Variants in SATL1 observed in about 807,000 individuals in gnomAD.
The protein encoded by SATL1 is spermidine/spermine N(1)-acetyltransferase-like protein 1.
Under a neutral mutation model 51.8 loss-of-function variants are expected in SATL1, and 47 were observed. The ratio of observed to expected loss-of-function variants is 0.91; its 90% confidence interval spans 0.72 to 1.16. The LOEUF is 1.16. SATL1 is among the 50% of genes most tolerant of loss of function. The pLI, the probability that SATL1 is intolerant of heterozygous loss-of-function variation, is 0.00. For synonymous variants in SATL1, 176 were observed against 182.4 expected, an observed-to-expected ratio of 0.97 and a Z score of 0.28; for missense variants, 520 against 526.4, an observed-to-expected ratio of 0.99 and a Z score of 0.12.
Position 85,107,323 on chromosome X carries a change from C to T in SATL1, c.1641+5G>A, listed in dbSNP as rs750948898. 7 of 1,201,890 alleles carry T rather than the reference C, an allele frequency of 5.8e-6. No individual in the cohort carries two copies. The South Asian group carries it at 1.2e-4, about 21-fold the overall frequency. ...TGAGGCTCCATGTAATAAAAATAGG[C>T]TTACTTTAATCAGTCGCAAAATTTC... On this transcript the variant is annotated splice_donor_5th_base_variant and intron_variant, in intron 3 of 7. Transcript: ENST00000644105.
chrX:85,210,944 GTCTTTTCATATAATACTTAACC>G (rs1379963794), intron 2 of SATL1: 1 of 111,386 alleles, frequency 9.0e-6, no homozygotes, highest in African/African-American at 3.3e-5. Flanking sequence ...GTATCGGTTT[GTCTTTTCATATAATACTTAACC>G]TCTATCTTAC....
At chrX:85,129,259 T>A (rs1050470895) in intron 2 of SATL1, among the ~76,000 whole-genome samples, 1 of 112,239 alleles carries the variant, frequency 8.9e-6, no homozygotes, top group Non-Finnish European at 1.9e-5. Context: ...TTTCATGATA[T>A]TGACTGTTCC....
At chrX:85,161,188 C>G (rs1926711273) in intron 2 of SATL1, among the ~76,000 whole-genome samples, 1 of 110,774 alleles carries the variant, frequency 9.0e-6, no homozygotes, top group Non-Finnish European at 1.9e-5. Flanking sequence ...AAGGAAAGAC[C>G]AGCCACTACA....
rs373628862 is a variant in SATL1 at position 85,162,831 on chromosome X, G to C, written c.-312-53551C>G. On this transcript the variant is annotated intron_variant, in intron 2 of 7. Transcript: ENST00000644105. ...TTTTTAGTTTTAATTCTTTTTATGTGGTGTATCACATTTGCTGACTTGCAT... is the reference window on the plus strand; with the variant it reads ...TTTTTAGTTTTAATTCTTTTTATGTCGTGTATCACATTTGCTGACTTGCAT... 3.6e-5 allele frequency among the ~76,000 whole-genome samples: 4 copies of C among 111,009 alleles called. No individual in the cohort carries two copies. The East Asian group carries it at 1.1e-3, about 31-fold the overall frequency.
chrX:85,192,545 C>A (rs1394831686), intron 2 of SATL1, among the ~76,000 whole-genome samples: 1 of 110,968 alleles, frequency 9.0e-6, no homozygotes, highest in Non-Finnish European at 1.9e-5. Context: ...CCTACTCCCA[C>A]ATACCTGAAA....
chrX:85,155,599 A>G (rs973609922), intron 2 of SATL1, among the ~76,000 whole-genome samples: 4 of 112,072 alleles, frequency 3.6e-5, no homozygotes, highest in African/African-American at 1.3e-4. Flanking sequence ...TTTTCTTCCA[A>G]TTAAAATGCA....
At chrX:85,155,271 C>G (rs1471519915) in intron 2 of SATL1, among the ~76,000 whole-genome samples, 1 of 111,377 alleles carries the variant, frequency 9.0e-6, no homozygotes, top group African/African-American at 3.3e-5. Context: ...AGAAATCACA[C>G]CTGTAAACAT....
intron 1 of SATL1, among the ~76,000 whole-genome samples, chrX:85,235,783 T>C (rs998493026): frequency 9.1e-6 from 1 of 110,145 alleles, no homozygotes; most frequent in Non-Finnish European, 1.9e-5. Context: ...AAAGAACTAC[T>C]AAAGCAAAAA....
chrX:85,242,662 C>T (rs1298288563), intron 1 of SATL1, among the ~76,000 whole-genome samples: 1 of 112,032 alleles, frequency 8.9e-6, no homozygotes, highest in Non-Finnish European at 1.9e-5. Context: ...ATCACATGCG[C>T]GCACACGAGC....
intron 2 of SATL1, among the ~76,000 whole-genome samples, chrX:85,205,838 C>T (rs1927781548): frequency 9.0e-6 from 1 of 111,381 alleles, no homozygotes; most frequent in Admixed American, 9.6e-5. Flanking sequence ...GAAGAAGAGT[C>T]CAGAATCTGA....
At chrX:85,100,885 C>T (rs964796874) in intron 4 of SATL1, among the ~76,000 whole-genome samples, 1 of 111,780 alleles carries the variant, frequency 8.9e-6, no homozygotes, top group Non-Finnish European at 1.9e-5. Context: ...GAATAGAGAC[C>T]TCAGAAACAA....
At chrX:85,242,959 T>C (rs1434962872) in intron 1 of SATL1, among the ~76,000 whole-genome samples, 5 of 111,895 alleles carry the variant, frequency 4.5e-5, no homozygotes, top group Non-Finnish European at 9.4e-5. Flanking sequence ...CTACTATTTA[T>C]TTACAAAAAT....
At chrX:85,129,113 T>G (rs1925708388) in intron 2 of SATL1, among the ~76,000 whole-genome samples, 1 of 111,933 alleles carries the variant, frequency 8.9e-6, no homozygotes, top group Non-Finnish European at 1.9e-5. Flanking sequence ...TGGCTTAGGA[T>G]TCTCTTGGCA....
chrX:85,146,755 T>A (rs1477542474), intron 2 of SATL1, among the ~76,000 whole-genome samples: 1 of 112,716 alleles, frequency 8.9e-6, no homozygotes, highest in East Asian at 2.8e-4. Context: ...TATGAACAAT[T>A]CTTGCCAGTA....
intron 2 of SATL1, among the ~76,000 whole-genome samples, chrX:85,118,920 G>T (rs1925445427): frequency 9.0e-6 from 1 of 111,056 alleles, no homozygotes; most frequent in South Asian, 3.7e-4. Flanking sequence ...ATTTTTATAA[G>T]CAAACAAATA....
chrX:85,136,103 A>G (rs1186086779), intron 2 of SATL1, among the ~76,000 whole-genome samples: 1 of 110,468 alleles, frequency 9.1e-6, no homozygotes, highest in Non-Finnish European at 1.9e-5. Context: ...CGTAGGGCAG[A>G]GGAAGACCCC....
intron 2 of SATL1, among the ~76,000 whole-genome samples, chrX:85,153,227 T>A (rs73511618): frequency 0.049 from 5,388 of 110,709 alleles, 371 homozygotes; most frequent in African/African-American, 0.17. Context: ...TCTTTTCATA[T>A]TTCTTCTTGC....
chrX:85,196,309 TAAAG>T (rs779557075), intron 2 of SATL1, among the ~76,000 whole-genome samples: 2 of 111,207 alleles, frequency 1.8e-5, no homozygotes, highest in Non-Finnish European at 3.8e-5. Context: ...ATTGTTGAAA[TAAAG>T]AAGACCTTAA....
At chrX:85,164,439 T>C (rs1211158804) in intron 2 of SATL1, among the ~76,000 whole-genome samples, 1 of 111,939 alleles carries the variant, frequency 8.9e-6, no homozygotes, top group Admixed American at 9.5e-5. Flanking sequence ...TTGGTAGTGG[T>C]GAATGCTCTT....
Sources: gnomAD v4.1 joint callset for allele counts (sites outside exome capture counted in the v4.1 genomes callset) on GRCh38, gnomAD v4.1.1 for gene constraint, MANE v1.5 for transcripts, NCBI Gene and HGNC (gene_info 2026-07-23, HGNC 2026-07-21) for gene names.